Variants in POLR3A observed in about 807,000 individuals in gnomAD.
POLR3A encodes the protein DNA-directed RNA polymerase III subunit RPC1.
In POLR3A, 112 loss-of-function variants were observed where a neutral mutation model predicts 152.8. That is an observed-to-expected ratio of 0.73 (90% CI 0.63 to 0.86). The LOEUF (loss-of-function observed/expected upper bound fraction) is 0.86. POLR3A is among the 40% of genes least tolerant of loss of function. The pLI is 0.00. For synonymous variants in POLR3A, 615 were observed against 652.1 expected (o/e 0.94, Z 0.87); for missense variants, 1,385 against 1,743.1 (o/e 0.79, Z 3.66).
chr10:78,005,775 G>C (rs1167986503), intron 15 of POLR3A, among the ~76,000 whole-genome samples: 1 of 152,240 alleles, frequency 6.6e-6, no homozygotes, highest in South Asian at 2.1e-4. Flanking sequence ...GAATCAGAGA[G>C]GCTCTGGGTC....
intron 14 of POLR3A, among the ~76,000 whole-genome samples, chr10:78,008,757 C>T (rs1847434750): frequency 6.6e-6 from 1 of 151,912 alleles, no homozygotes; most frequent in Admixed American, 6.6e-5. Flanking sequence ...CACCTGTAAT[C>T]CCAGCACTTT....
chr10:78,013,266 C>T, intron 11 of POLR3A: 1 of 284,528 alleles, frequency 3.5e-6, no homozygotes, highest in Non-Finnish European at 6.8e-6. Flanking sequence ...TCTTCAGCTA[C>T]TGGAAAATTT....
intron 30 of POLR3A, among the ~76,000 whole-genome samples, chr10:77,978,660 G>GGTTTTT (rs1554837283): frequency 7.4e-6 from 1 of 135,744 alleles, no homozygotes; most frequent in African/African-American, 2.8e-5. Context: ...CTTCATGCTA[G>GGTTTTT]TTTTTTTTTT....
intron 10 of POLR3A, among the ~76,000 whole-genome samples, chr10:78,016,933 A>C (rs1217711553): frequency 6.6e-6 from 1 of 152,076 alleles, no homozygotes; most frequent in African/African-American, 2.4e-5. Flanking sequence ...TTGTGCACAC[A>C]ACACATATAC....
intron 30 of POLR3A, among the ~76,000 whole-genome samples, 178 bp downstream of exon 30, chr10:77,979,963 C>T (rs1421147627): frequency 6.6e-6 from 1 of 152,156 alleles, no homozygotes; most frequent in Non-Finnish European, 1.5e-5. Context: ...ATGCAGGATG[C>T]TACAGTCAGG....
Position 77,985,305 on chromosome 10 carries a change from A to C in POLR3A, c.3107T>G (p.Leu1036Arg), listed in dbSNP as rs1283930666. ...TGGCTCACCAATGCTCTGGGCACACAGAGCACCCACTGCAGAACCTGGCTC... is the reference window on the plus strand; with the variant it reads ...TGGCTCACCAATGCTCTGGGCACACCGAGCACCCACTGCAGAACCTGGCTC... ...QMEPGSAVGA[L>R]CAQSIGEPGT... The change falls in exon 24 of 31, where the codon CTG (leucine) becomes CGG (arginine). Residue 1036 changes from leucine to arginine, a missense_variant. Leu to Arg is a moderately radical substitution (Grantham distance 102). Transcript: ENST00000372371. 1 of 1,614,150 alleles carries C rather than the reference A, an allele frequency of 6.2e-7. No individual in the cohort carries two copies. The highest frequency in any genetic ancestry group is 8.5e-7 in the Non-Finnish European group (1 of 1,179,948).
chr10:77,977,146 T>G lies in POLR3A; in HGVS notation c.*332A>C, dbSNP rs1847096813. 2.7e-6 allele frequency: 1 copy of G among 366,704 alleles called. No individual in the cohort carries two copies. The highest frequency in any genetic ancestry group is 3.9e-5 in the Admixed American group (1 of 25,930). 22.7% of individuals were successfully genotyped at this position (366,704 alleles called of 1,614,324 possible). A position where few individuals can be genotyped will look rare whatever the true frequency, so the allele number is the denominator to read the frequency against. On this transcript the variant is annotated 3_prime_UTR_variant, in exon 31 of 31. Transcript: ENST00000372371. ...ATGGGGAGCCGATGGATGTATGCAG[T>G]GAGCTGGGATGGACCATGACACCTG...
At chr10:78,008,018 G>GGGT in intron 14 of POLR3A, 152 bp from the exon 15 acceptor site, 1 of 414,328 alleles carries the variant, frequency 2.4e-6, no homozygotes. Flanking sequence ...TTGGGGGGAG[G>GGGT]GAGGGGGGGT....
intron 11 of POLR3A, among the ~76,000 whole-genome samples, chr10:78,012,918 C>T (rs1048682083): frequency 5.9e-5 from 9 of 152,100 alleles, no homozygotes; most frequent in East Asian, 1.9e-4. Context: ...GATGGAGTTT[C>T]GCCATGTTGT....
In POLR3A at chr10:77,997,921, CAAA is replaced by C. The variant is rs1847318147; in HGVS notation, c.2616+2057_2616+2059del. On this transcript the variant is annotated intron_variant, in intron 19 of 30. Coordinates refer to ENST00000372371, the MANE Select transcript of POLR3A (RefSeq NM_007055.4). ...TCAAACTACACAAGGCTACAGTAACCAAAACAGAGATATAGACTGGTACCAAAA... is the reference window on the plus strand; with the variant it reads ...TCAAACTACACAAGGCTACAGTAACCACAGAGATATAGACTGGTACCAAAA... 4.6e-5 allele frequency among the ~76,000 whole-genome samples: 7 copies of C among 151,966 alleles called. No homozygotes were observed. The East Asian group carries it at 1.4e-3, about 31-fold the overall frequency.
chr10:78,019,399 G>A, intron 8 of POLR3A, 134 bp from the exon 9 acceptor site: 1 of 703,238 alleles, frequency 1.4e-6, no homozygotes, highest in Non-Finnish European at 2.6e-6. Flanking sequence ...GCAGCCTGCT[G>A]CCTATGGTCT....
intron 15 of POLR3A, 123 bp from the exon 16 acceptor site, chr10:78,005,011 G>T: frequency 1.3e-6 from 1 of 766,990 alleles, no homozygotes; most frequent in Non-Finnish European, 2.3e-6. Flanking sequence ...ATAGTTTAAA[G>T]TATAAAAAAG....
intron 15 of POLR3A, among the ~76,000 whole-genome samples, chr10:78,005,749 C>T (rs998940043): frequency 1.3e-5 from 2 of 152,116 alleles, no homozygotes; most frequent in Admixed American, 6.5e-5. Context: ...GATGGGAGTT[C>T]GCTCCCAGCG....
At chr10:78,003,485 T>C (rs1039747973) in intron 16 of POLR3A, among the ~76,000 whole-genome samples, 1 of 152,036 alleles carries the variant, frequency 6.6e-6, no homozygotes, top group Non-Finnish European at 1.5e-5. Flanking sequence ...CACAGGCTGG[T>C]GGTGATTCTG....
intron 19 of POLR3A, among the ~76,000 whole-genome samples, chr10:77,994,316 T>A (rs1407734203): frequency 6.6e-6 from 1 of 152,134 alleles, no homozygotes; most frequent in Non-Finnish European, 1.5e-5. Flanking sequence ...GTCACACTAA[T>A]CACAGTGTTT....
Position 78,021,668 on chromosome 10 carries a change from T to C in POLR3A, c.1063A>G (p.Asn355Asp). 1 of 1,614,092 alleles carries C rather than the reference T, an allele frequency of 6.2e-7. No homozygotes were observed. The highest frequency in any genetic ancestry group is 8.5e-7 in the Non-Finnish European group (1 of 1,180,034). ...LKGKQGRFRG[N>D]LSGKRVDFSG... Reference sequence around the variant, plus strand: ...AAATCCACTCTCTTTCCTGAGAGATTTCCTCTAAATCGACCTAAATAGCCA... The same window carrying C: ...AAATCCACTCTCTTTCCTGAGAGATCTCCTCTAAATCGACCTAAATAGCCA... Residue 355 changes from asparagine (N) to aspartate (D), a missense_variant, in exon 8 of 31, where the codon AAT (asparagine) becomes GAT (aspartate). Coordinates refer to ENST00000372371, the MANE Select transcript of POLR3A (RefSeq NM_007055.4).
chr10:78,024,835 A>C, intron 4 of POLR3A, 132 bp from the exon 5 acceptor site: 1 of 1,323,258 alleles, frequency 7.6e-7, no homozygotes, highest in Admixed American at 1.8e-5. Flanking sequence ...TCCCAATAGG[A>C]CATCAGTTGT....
At chr10:78,024,430 T>C in intron 5 of POLR3A, 119 bp downstream of exon 5, 1 of 987,038 alleles carries the variant, frequency 1.0e-6, no homozygotes, top group Admixed American at 2.0e-5. Context: ...GGACCTCTCA[T>C]TTTGGAAGAA....
intron 1 of POLR3A, among the ~76,000 whole-genome samples, chr10:78,027,114 G>C (rs539362653): frequency 6.6e-6 from 1 of 152,240 alleles, no homozygotes; most frequent in Non-Finnish European, 1.5e-5. Flanking sequence ...AGTGGAGTCT[G>C]AGGAATTACT....
Sources: gnomAD v4.1 joint callset for allele counts (sites outside exome capture counted in the v4.1 genomes callset) on GRCh38, gnomAD v4.1.1 for gene constraint, MANE v1.5 for transcripts, NCBI Gene and HGNC (gene_info 2026-07-23, HGNC 2026-07-21) for gene names.